The following SLC25A21 variants were observed in gnomAD, a reference collection of about 807,000 sequenced individuals.
SLC25A21 encodes the protein solute carrier family 25 member 21, also known as mitochondrial 2-oxodicarboxylate carrier.
Under a neutral mutation model 43.8 loss-of-function variants are expected in SLC25A21, and 47 were observed. The observed-to-expected ratio is 1.07, with a 90% CI of 0.85 to 1.37. SLC25A21 has a LOEUF of 1.37. Among genes scored for constraint, SLC25A21 ranks in the 40% most tolerant of loss-of-function variants. The pLI is 0.00. For synonymous variants in SLC25A21, 131 were observed against 121.3 expected (o/e 1.08, Z -0.52); for missense variants, 352 against 350.2 (o/e 1.00, Z -0.04).
intron 3 of SLC25A21, among the ~76,000 whole-genome samples, chr14:36,796,039 T>C (rs1181088220): frequency 2.6e-5 from 4 of 152,150 alleles, no homozygotes; most frequent in Non-Finnish European, 5.9e-5. Flanking sequence ...TGGTGTCTGA[T>C]TGAGAGATGA....
chr14:36,894,304 G>A (rs1594674565), intron 1 of SLC25A21, among the ~76,000 whole-genome samples: 1 of 152,134 alleles, frequency 6.6e-6, no homozygotes, highest in African/African-American at 2.4e-5. Context: ...TGAAGCAATT[G>A]TGAATGGGAG....
chr14:36,910,142 T>G (rs1214517782), intron 1 of SLC25A21, among the ~76,000 whole-genome samples: 1 of 152,132 alleles, frequency 6.6e-6, no homozygotes, highest in Non-Finnish European at 1.5e-5. Context: ...CCTTACATAT[T>G]TATAAAAACT....
chr14:36,711,135 T>G (rs1883840307), intron 7 of SLC25A21, among the ~76,000 whole-genome samples, 183 bp downstream of exon 7: 1 of 152,158 alleles, frequency 6.6e-6, no homozygotes, highest in African/African-American at 2.4e-5. Flanking sequence ...CCTTGATCTT[T>G]CTAAGACTCC....
intron 7 of SLC25A21, among the ~76,000 whole-genome samples, chr14:36,702,787 G>A (rs751569116): frequency 2.0e-5 from 3 of 152,142 alleles, no homozygotes; most frequent in Non-Finnish European, 4.4e-5. Context: ...TGAATGAATA[G>A]AATAGACCCA....
At chr14:36,760,601 TAC>T (rs1339596870) in intron 3 of SLC25A21, among the ~76,000 whole-genome samples, 1 of 152,218 alleles carries the variant, frequency 6.6e-6, no homozygotes, top group Non-Finnish European at 1.5e-5. Context: ...TGAGTTTGTC[TAC>T]ACACACAAGA....
intron 7 of SLC25A21, among the ~76,000 whole-genome samples, chr14:36,704,013 C>G (rs1043956331): frequency 6.6e-6 from 1 of 152,164 alleles, no homozygotes; most frequent in African/African-American, 2.4e-5. Context: ...AAATGAATGC[C>G]TCCATTAAGT....
intron 1 of SLC25A21, among the ~76,000 whole-genome samples, chr14:36,910,689 G>A (rs917606365): frequency 2.0e-5 from 3 of 152,104 alleles, no homozygotes; most frequent in Non-Finnish European, 4.4e-5. Context: ...ATCATTTCGT[G>A]GCCTCTATTT....
chr14:36,713,847 T>C (rs998143005), intron 6 of SLC25A21, among the ~76,000 whole-genome samples: 1 of 151,958 alleles, frequency 6.6e-6, no homozygotes, highest in African/African-American at 2.4e-5. Context: ...AGCCAGGTGC[T>C]GTGGCAAGCC....
chr14:36,798,157 T>C (rs1594597384), intron 3 of SLC25A21, among the ~76,000 whole-genome samples: 1 of 152,196 alleles, frequency 6.6e-6, no homozygotes, highest in Admixed American at 6.5e-5. Context: ...CTGTAACCTC[T>C]CCTATTCAGG....
chr14:37,002,003 A>G (rs1960500121), intron 1 of SLC25A21, among the ~76,000 whole-genome samples: 2 of 152,214 alleles, frequency 1.3e-5, no homozygotes, highest in African/African-American at 4.8e-5. Context: ...GATATAAAAT[A>G]TTAAATATTT....
At chr14:36,831,897 C>A (rs1213654800) in intron 2 of SLC25A21, among the ~76,000 whole-genome samples, 1 of 152,166 alleles carries the variant, frequency 6.6e-6, no homozygotes, top group African/African-American at 2.4e-5. Flanking sequence ...CTAAAATATA[C>A]AACATTCTTT....
chr14:37,166,595 GATCCGGC>G (rs1317269522), intron 1 of SLC25A21, among the ~76,000 whole-genome samples: 1 of 152,188 alleles, frequency 6.6e-6, no homozygotes, highest in Non-Finnish European at 1.5e-5. Context: ...CTTAGAACTG[GATCCGGC>G]ATTTAGTATT....
chr14:36,830,346 G>C (rs1888992090), intron 2 of SLC25A21, among the ~76,000 whole-genome samples: 1 of 152,218 alleles, frequency 6.6e-6, no homozygotes, highest in African/African-American at 2.4e-5. Flanking sequence ...CTGTTATTCA[G>C]TGTGAAAAGT....
At chr14:36,992,869 A>C (rs1177739501) in intron 1 of SLC25A21, among the ~76,000 whole-genome samples, 1 of 152,138 alleles carries the variant, frequency 6.6e-6, no homozygotes. Flanking sequence ...ACTTAATCCC[A>C]TCTCTTAGTG....
chr14:36,997,407 C>A (rs1960394739), intron 1 of SLC25A21, among the ~76,000 whole-genome samples: 1 of 152,066 alleles, frequency 6.6e-6, no homozygotes, highest in Non-Finnish European at 1.5e-5. Flanking sequence ...ACAGATCAGG[C>A]TGTTGGTGAG....
At chr14:36,723,901 TGCTGCTTCAAGACAA>T (rs1285393397) in intron 6 of SLC25A21, among the ~76,000 whole-genome samples, 1 of 150,608 alleles carries the variant, frequency 6.6e-6, no homozygotes, top group Non-Finnish European at 1.5e-5. Flanking sequence ...GCCTACTCAC[TGCTGCTTCAAGACAA>T]GCTTCCCAAG....
intron 3 of SLC25A21, among the ~76,000 whole-genome samples, chr14:36,746,910 C>T (rs543622862): frequency 2.6e-5 from 4 of 152,234 alleles, no homozygotes; most frequent in African/African-American, 7.2e-5. Context: ...ATTGTACCTG[C>T]CTGCATTATT....
intron 3 of SLC25A21, among the ~76,000 whole-genome samples, chr14:36,798,322 T>A (rs751876005): frequency 6.6e-6 from 1 of 152,164 alleles, no homozygotes; most frequent in Non-Finnish European, 1.5e-5. Context: ...CCTTCATAGT[T>A]TTGGTGGGTT....
Position 36,729,581 on chromosome 14 carries a change from C to G in SLC25A21, c.271-15G>C, listed in dbSNP as rs1884739158. On this transcript the variant is annotated splice_polypyrimidine_tract_variant and intron_variant, in intron 4 of 9. Transcript: ENST00000331299. ...AAGGTGAAAAACTGTGAAACAAAAC[C>G]AAACTCACAGATTTATAACAATTTT... The G allele has an allele frequency of 6.3e-7, 1 of 1,598,542 alleles. No homozygotes were observed.
Sources: allele counts gnomAD v4.1 joint callset (sites outside exome capture counted in the v4.1 genomes callset), GRCh38; gene constraint gnomAD v4.1.1; transcripts MANE v1.5; gene names NCBI Gene and HGNC (gene_info 2026-07-23, HGNC 2026-07-21).